The following GLYR1 variants were observed in gnomAD, a reference collection of about 807,000 sequenced individuals.
The protein encoded by GLYR1 is cytokine-like nuclear factor N-PAC.
Under a neutral mutation model 72.7 loss-of-function variants are expected in GLYR1, and 21 were observed. That is an observed-to-expected ratio of 0.29 (90% CI 0.20 to 0.42). The LOEUF (loss-of-function observed/expected upper bound fraction) is 0.42. Among genes scored for constraint, GLYR1 ranks in the 10% least tolerant of loss-of-function variants. The pLI is 1.00. For synonymous variants in GLYR1, 392 were observed against 270.2 expected, an observed-to-expected ratio of 1.45 and a Z score of -4.42; for missense variants, 594 against 712.1, an observed-to-expected ratio of 0.83 and a Z score of 1.89.
rs191236937 is a variant in GLYR1 at position 4,828,132 on chromosome 16, T to C, written c.537+3847A>G. Among the ~76,000 whole-genome samples the C allele has an allele frequency of 2.4e-3, 369 of 151,648 alleles. 3 individuals are homozygous for C. The highest frequency in any genetic ancestry group is 3.6e-3 in the Non-Finnish European group (245 of 67,838). ...TCACCCAGGCTGGGGTGCAGTGGCGTGATCTCGGCTCACTTCAAGCTCCGC... is the reference window on the plus strand; with the variant it reads ...TCACCCAGGCTGGGGTGCAGTGGCGCGATCTCGGCTCACTTCAAGCTCCGC... On this transcript the variant is annotated intron_variant, in intron 5 of 15. Coordinates refer to ENST00000321919, the MANE Select transcript of GLYR1 (RefSeq NM_032569.4).
Position 4,821,382 on chromosome 16 carries a change from T to C in GLYR1, c.804A>G (p.Lys268=). The C allele has an allele frequency of 6.2e-7, 1 of 1,612,862 alleles. No homozygotes were observed. Among genetic ancestry groups the C allele is most frequent in the Non-Finnish European group, 8.5e-7 (1 of 1,180,030 alleles). The change falls in exon 9 of 16, where the codon AAA becomes AAG. Residue 268 remains lysine (K), a splice_region_variant and synonymous_variant. Coordinates refer to ENST00000321919, the MANE Select transcript of GLYR1 (RefSeq NM_032569.4). ...AVNGSITPTD[K]KIGFLGLGLM... is the part of the protein sequence containing the mutation. ...GGCCTTTTCATCAAAGGTCCTACTT[T>C]TTGTCTGTGGGTGTGATGCTGCCAT...
At chr16:4,814,017 T>C (rs528936773) in intron 11 of GLYR1, 179 bp from the exon 12 acceptor site, 1 of 498,092 alleles carries the variant, frequency 2.0e-6, no homozygotes, top group Non-Finnish European at 3.5e-6. Context: ...CATGCTCCCA[T>C]TTATCTTTAA....
At chr16:4,835,634 C>A (rs2085081171) in intron 3 of GLYR1, among the ~76,000 whole-genome samples, 1 of 152,144 alleles carries the variant, frequency 6.6e-6, no homozygotes, top group South Asian at 2.1e-4. Context: ...AGTTTGAGAC[C>A]AGCCTGGCCA....
intron 3 of GLYR1, among the ~76,000 whole-genome samples, chr16:4,840,609 C>T (rs2085480278): frequency 6.6e-6 from 1 of 152,098 alleles, no homozygotes; most frequent in African/African-American, 2.4e-5. Context: ...TTAAAGGCAT[C>T]CTGGACCAAT....
intron 15 of GLYR1, among the ~76,000 whole-genome samples, chr16:4,808,053 T>A (rs529587251): frequency 6.6e-6 from 1 of 151,944 alleles, no homozygotes; most frequent in East Asian, 1.9e-4. Flanking sequence ...CTGGTCAAAA[T>A]GGTAAAACCC....
Position 4,817,111 on chromosome 16 carries a change from T to A in GLYR1, c.906+487A>T, listed in dbSNP as rs556299899. On this transcript the variant is annotated intron_variant, in intron 10 of 15. Coordinates refer to ENST00000321919, the MANE Select transcript of GLYR1 (RefSeq NM_032569.4). The stretch of plus-strand genomic sequence containing the variant: ...GGTGAACGCCACCATACCCAGCTAA[T>A]TTTTGTATTTTCTATTTTTTTTTTT... 5.3e-5 allele frequency among the ~76,000 whole-genome samples: 8 copies of A among 151,264 alleles called. 1 individual carries two copies. The South Asian group carries it at 1.7e-3, about 32-fold the overall frequency.
At chr16:4,827,290 C>T (rs1028160172) in intron 5 of GLYR1, among the ~76,000 whole-genome samples, 37 of 152,244 alleles carry the variant, frequency 2.4e-4, no homozygotes, top group Non-Finnish European at 3.2e-4. Flanking sequence ...CACACACAAA[C>T]ACCCTCCTCT....
intron 5 of GLYR1, among the ~76,000 whole-genome samples, chr16:4,825,797 G>A (rs1349724096): frequency 2.0e-5 from 3 of 151,996 alleles, no homozygotes; most frequent in African/African-American, 7.3e-5. Flanking sequence ...GACCACAGGC[G>A]CGCGGCCACC....
intron 5 of GLYR1, among the ~76,000 whole-genome samples, chr16:4,825,353 C>CG (rs397800136): frequency 2.6e-5 from 4 of 152,196 alleles, no homozygotes; most frequent in African/African-American, 9.7e-5. Flanking sequence ...CTTTCCCCCC[C>CG]GCACCAAACA....
chr16:4,821,490 C>CCTG (rs1270772046), intron 8 of GLYR1, 37 bp from the exon 9 acceptor site: 5 of 1,613,918 alleles, frequency 3.1e-6, no homozygotes, highest in Non-Finnish European at 4.2e-6. Flanking sequence ...AGTCAGTCTG[C>CCTG]CTGCAGTTTA....
At chr16:4,806,046 C>T (rs1360005853) in intron 15 of GLYR1, among the ~76,000 whole-genome samples, 1 of 152,186 alleles carries the variant, frequency 6.6e-6, no homozygotes, top group Non-Finnish European at 1.5e-5. Context: ...AAAACAAGGG[C>T]AGATGAAACA....
chr16:4,831,184 C>G (rs776703970), intron 5 of GLYR1, among the ~76,000 whole-genome samples: 2 of 152,144 alleles, frequency 1.3e-5, no homozygotes, highest in Non-Finnish European at 2.9e-5. Context: ...CTTAAGAACT[C>G]TTCCTCTGAA....
At chr16:4,826,047 C>T (rs2084362084) in intron 5 of GLYR1, among the ~76,000 whole-genome samples, 1 of 151,846 alleles carries the variant, frequency 6.6e-6, no homozygotes, top group Admixed American at 6.6e-5. Context: ...GTGTGGTAGA[C>T]ACAACTTATT....
intron 3 of GLYR1, among the ~76,000 whole-genome samples, chr16:4,841,333 A>C (rs920288490): frequency 3.9e-5 from 6 of 151,914 alleles, no homozygotes; most frequent in East Asian, 1.9e-4. Flanking sequence ...TTAAAAAAAA[A>C]ATCGGGGCTC....
Position 4,817,619 on chromosome 16 carries a change from G to C in GLYR1, c.885C>G (p.Val295=), listed in dbSNP as rs1483903370. ...NLLKMGHTVT[V]WNRTAEKCDL... Reference sequence around the variant, plus strand: ...TTACTTTCTCTGCAGTGCGGTTCCAGACAGTCACTGTGTGACCCATTTTTA... The same window carrying C: ...TTACTTTCTCTGCAGTGCGGTTCCACACAGTCACTGTGTGACCCATTTTTA... The change falls in exon 10 of 16, where the codon GTC becomes GTG. Residue 295 remains valine, a synonymous_variant. Coordinates refer to ENST00000321919, the MANE Select transcript of GLYR1 (RefSeq NM_032569.4). 2.5e-6 allele frequency: 4 copies of C among 1,611,788 alleles called. No individual in the cohort carries two copies. Among genetic ancestry groups the C allele is most frequent in the Non-Finnish European group, 3.4e-6 (4 of 1,178,000 alleles).
intron 14 of GLYR1, 115 bp from the exon 15 acceptor site, chr16:4,811,409 T>C: frequency 7.1e-7 from 1 of 1,418,072 alleles, no homozygotes; most frequent in South Asian, 1.3e-5. Flanking sequence ...CCACATAGCC[T>C]AGGCCTCTTG....
At chr16:4,843,678 C>T (rs1000214530) in intron 3 of GLYR1, 12 of 1,256,502 alleles carry the variant, frequency 9.6e-6, no homozygotes, top group Admixed American at 7.2e-5. Flanking sequence ...TATAATATAT[C>T]GCTTTCTAAG....
intron 9 of GLYR1, chr16:4,817,958 T>C (rs914312386): frequency 6.9e-6 from 3 of 434,754 alleles, no homozygotes; most frequent in Non-Finnish European, 1.3e-5. Context: ...GTATGATGTG[T>C]ATGGTTCAGG....
At chr16:4,811,440 C>T in intron 14 of GLYR1, 146 bp from the exon 15 acceptor site, 6 of 1,262,774 alleles carry the variant, frequency 4.8e-6, no homozygotes, top group African/African-American at 1.5e-5. Context: ...CACCCTTAGA[C>T]ACCTGAGGGC....
Sources: gnomAD v4.1 joint callset for allele counts (sites outside exome capture counted in the v4.1 genomes callset) on GRCh38, gnomAD v4.1.1 for gene constraint, MANE v1.5 for transcripts, NCBI Gene and HGNC (gene_info 2026-07-23, HGNC 2026-07-21) for gene names.